Variants in RBFOX1 observed in about 807,000 individuals in gnomAD.
RBFOX1 encodes RNA binding fox-1 homolog 1, also known as RNA binding protein fox-1 homolog 1.
A neutral mutation model predicts 57.7 loss-of-function variants in RBFOX1; 8 were observed. The ratio of observed to expected loss-of-function variants is 0.14; its 90% CI spans 0.08 to 0.25. The LOEUF is 0.25. Among genes scored for constraint, RBFOX1 ranks in the 10% least tolerant of loss-of-function variants. The pLI, the probability that RBFOX1 is intolerant of heterozygous loss-of-function variation, is 1.00. For synonymous variants in RBFOX1, 326 were observed against 222.4 expected, an observed-to-expected ratio of 1.47 and a Z score of -4.15; for missense variants, 611 against 548.5, an observed-to-expected ratio of 1.11 and a Z score of -1.14.
chr16:6,463,486 C>G (rs968898142), intron 2 of RBFOX1, among the ~76,000 whole-genome samples: 1 of 152,052 alleles, frequency 6.6e-6, no homozygotes, highest in African/African-American at 2.4e-5. Context: ...GGGTCAGAAG[C>G]TTTTTGAACT....
At chr16:7,492,339 C>T (rs550987183) in intron 4 of RBFOX1, among the ~76,000 whole-genome samples, 31 of 151,968 alleles carry the variant, frequency 2.0e-4, no homozygotes, top group African/African-American at 6.3e-4. Flanking sequence ...AACTTTTCTA[C>T]CTTAGTGAAT....
intron 14 of RBFOX1, among the ~76,000 whole-genome samples, chr16:7,689,674 G>A (rs2076907609): frequency 6.6e-6 from 1 of 152,022 alleles, no homozygotes; most frequent in South Asian, 2.1e-4. Context: ...AAAGTTGTGG[G>A]TGACAGGAAT....
intron 3 of RBFOX1, among the ~76,000 whole-genome samples, chr16:7,041,464 C>A (rs1252607013): frequency 1.3e-5 from 2 of 152,058 alleles, no homozygotes; most frequent in African/African-American, 4.8e-5. Context: ...TGGACATTGG[C>A]ATTCTTCTCA....
intron 2 of RBFOX1, among the ~76,000 whole-genome samples, chr16:6,599,123 G>A (rs571370114): frequency 1.3e-5 from 2 of 152,218 alleles, no homozygotes; most frequent in Middle Eastern, 3.4e-3. Flanking sequence ...CACCTGATAC[G>A]GTCATTTGGC....
At chr16:6,013,639 G>A (rs2094975102) in intron 4 of RBFOX1, among the ~76,000 whole-genome samples, 1 of 152,138 alleles carries the variant, frequency 6.6e-6, no homozygotes, top group Admixed American at 6.5e-5. Context: ...GTGAGGTTGG[G>A]CAAGACACTG....
At chr16:7,467,226 G>C (rs1287586053) in intron 4 of RBFOX1, among the ~76,000 whole-genome samples, 2 of 152,108 alleles carry the variant, frequency 1.3e-5, no homozygotes, top group East Asian at 3.9e-4. Context: ...ATGACACGGA[G>C]AACTTTCCAA....
chr16:6,851,573 T>C (rs2094065815), intron 3 of RBFOX1, among the ~76,000 whole-genome samples: 2 of 152,336 alleles, frequency 1.3e-5, no homozygotes, highest in South Asian at 4.1e-4. Context: ...TCTGCCAAAT[T>C]GTAAGAGCTT....
chr16:7,205,291 G>A (rs753700954), intron 4 of RBFOX1, among the ~76,000 whole-genome samples: 1 of 152,098 alleles, frequency 6.6e-6, no homozygotes. Flanking sequence ...GCTGAGGCAG[G>A]CAGATCACTT....
At chr16:5,580,578 G>A (rs1474576615) in intron 2 of RBFOX1, among the ~76,000 whole-genome samples, 1 of 152,146 alleles carries the variant, frequency 6.6e-6, no homozygotes, top group Admixed American at 6.6e-5. Context: ...CTGCTTCAAC[G>A]CTGGTTGTTC....
chr16:6,993,381 TAATA>T (rs1205141635), intron 3 of RBFOX1, among the ~76,000 whole-genome samples: 7 of 152,208 alleles, frequency 4.6e-5, no homozygotes, highest in Non-Finnish European at 1.0e-4. Flanking sequence ...CTCCTTTCGG[TAATA>T]AATTCATTTG....
chr16:6,875,070 A>G (rs1407771466), intron 3 of RBFOX1, among the ~76,000 whole-genome samples: 1 of 152,162 alleles, frequency 6.6e-6, no homozygotes, highest in Non-Finnish European at 1.5e-5. Flanking sequence ...GGCGAAAAAA[A>G]TGTAAGGACT....
intron 3 of RBFOX1, among the ~76,000 whole-genome samples, chr16:6,780,398 T>TTTTTTATATA (rs2080710731): frequency 1.3e-5 from 1 of 79,986 alleles, no homozygotes; most frequent in South Asian, 4.8e-4. Context: ...TTATATATAT[T>TTTTTTATATA]TTTATATATA....
intron 3 of RBFOX1, among the ~76,000 whole-genome samples, chr16:7,015,361 C>A (rs1568377217): frequency 6.6e-6 from 1 of 152,072 alleles, no homozygotes; most frequent in Non-Finnish European, 1.5e-5. Context: ...CTTTTCTGGG[C>A]ATCAGAACCA....
chr16:6,857,281 G>C (rs2058083322), intron 3 of RBFOX1, among the ~76,000 whole-genome samples: 1 of 152,098 alleles, frequency 6.6e-6, no homozygotes, highest in East Asian at 1.9e-4. Context: ...AAACTTATTA[G>C]GAAGAATCCC....
At position 6,837,993 on chromosome 16, in the gene RBFOX1, G is replaced by T. The variant is rs192966830; in HGVS notation, c.-16+183343G>T. 3.6e-4 allele frequency among the ~76,000 whole-genome samples: 51 copies of T among 143,466 alleles called. 1 individual carries two copies. Among genetic ancestry groups the T allele is most frequent in the African/African-American group, 1.3e-3 (49 of 36,920 alleles). 94.1% of individuals were successfully genotyped at this position (143,466 alleles called of 152,430 possible). On this transcript the variant is annotated intron_variant, in intron 3 of 15. Transcript: ENST00000550418. Reference sequence around the variant, plus strand: ...TACCACCCCTTTCCATGGCAATACTGGGAAGTTACCACCCCTTTTTTTTTT... The same window carrying T: ...TACCACCCCTTTCCATGGCAATACTTGGAAGTTACCACCCCTTTTTTTTTT...
At chr16:7,147,484 C>T (rs1394261118) in intron 4 of RBFOX1, among the ~76,000 whole-genome samples, 6 of 151,960 alleles carry the variant, frequency 3.9e-5, no homozygotes, top group Non-Finnish European at 5.9e-5. Flanking sequence ...CCCTGCATCT[C>T]ATAGTCTCCA....
At chr16:6,674,563 C>T (rs1306146896) in intron 3 of RBFOX1, among the ~76,000 whole-genome samples, 9 of 152,098 alleles carry the variant, frequency 5.9e-5, no homozygotes. Context: ...CTCAAGTGAT[C>T]CACCCACCTC....
At chr16:7,120,758 A>G (rs1292673599) in intron 4 of RBFOX1, among the ~76,000 whole-genome samples, 1 of 148,560 alleles carries the variant, frequency 6.7e-6, no homozygotes, top group Non-Finnish European at 1.5e-5. Context: ...ATACTTCTCA[A>G]CTCAATTTAT....
At chr16:6,373,232 G>A (rs999818262) in intron 2 of RBFOX1, among the ~76,000 whole-genome samples, 61 of 151,270 alleles carry the variant, frequency 4.0e-4, no homozygotes, top group African/African-American at 1.2e-3. Flanking sequence ...AGTTCGTTGG[G>A]ATCACTGGGT....
Sources: gnomAD v4.1 joint callset for allele counts (sites outside exome capture counted in the v4.1 genomes callset) on GRCh38, gnomAD v4.1.1 for gene constraint, MANE v1.5 for transcripts, NCBI Gene and HGNC (gene_info 2026-07-23, HGNC 2026-07-21) for gene names.